The following RABGAP1L variants were observed in gnomAD, a reference collection of about 807,000 sequenced individuals.
RABGAP1L encodes the protein rab GTPase-activating protein 1-like.
Under a neutral mutation model 137.7 loss-of-function variants are expected in RABGAP1L, and 63 were observed. That is an observed-to-expected ratio of 0.46 (90% CI 0.37 to 0.56). The LOEUF is 0.56. Among genes scored for constraint, RABGAP1L ranks in the 20% least tolerant of loss-of-function variants. The pLI is 0.00. For missense variants in RABGAP1L, 1,095 were observed against 1,244.0 expected (o/e 0.88, Z 1.80); for synonymous variants, 431 against 433.7 (o/e 0.99, Z 0.08).
chr1:174,882,791 C>T (rs1374737305), intron 19 of RABGAP1L, among the ~76,000 whole-genome samples: 2 of 151,870 alleles, frequency 1.3e-5, no homozygotes, highest in Non-Finnish European at 2.9e-5. Context: ...CTGTGATAAC[C>T]TAAACAAAAG....
chr1:174,187,029 A>G (rs1326057128), intron 1 of RABGAP1L, among the ~76,000 whole-genome samples: 1 of 152,106 alleles, frequency 6.6e-6, no homozygotes, highest in Non-Finnish European at 1.5e-5. Context: ...GATAAGTTTC[A>G]CTGACTTTTC....
At chr1:174,339,968 G>A (rs1010987814) in intron 11 of RABGAP1L, among the ~76,000 whole-genome samples, 2 of 152,076 alleles carry the variant, frequency 1.3e-5, no homozygotes, top group Non-Finnish European at 2.9e-5. Flanking sequence ...TTGTGACTAT[G>A]ACTTTTTGTA....
At chr1:174,399,585 A>G (rs1648299853) in intron 13 of RABGAP1L, among the ~76,000 whole-genome samples, 1 of 151,346 alleles carries the variant, frequency 6.6e-6, no homozygotes, top group Non-Finnish European at 1.5e-5. Context: ...GAAGTATTTT[A>G]TATTTGTCTG....
At chr1:174,500,111 C>G (rs1244477909) in intron 13 of RABGAP1L, among the ~76,000 whole-genome samples, 1 of 144,506 alleles carries the variant, frequency 6.9e-6, no homozygotes, top group Non-Finnish European at 1.5e-5. Flanking sequence ...TGGAGTTTTG[C>G]TCTTGTAGCC....
In RABGAP1L at chr1:174,534,802, A is replaced by AAAAAAAAAAAAAT. The variant is rs1553324953; in HGVS notation, c.1711-102571_1711-102570insAAAAAAAAAATAA. ...AAAAAAAAAAAAAAAAAAAAAAAAA[A>AAAAAAAAAAAAAT]AATAATTAGAATAGTATGCCAGTAT... On this transcript the variant is annotated intron_variant, in intron 13 of 25. Coordinates refer to ENST00000681986, the MANE Select transcript of RABGAP1L (RefSeq NM_001366446.1). Among the ~76,000 whole-genome samples the AAAAAAAAAAAAAT allele has an allele frequency of 1.6e-4, 22 of 137,312 alleles. No homozygotes were observed. In the East Asian group the frequency reaches 1.9e-3, roughly 12 times the overall value. 90.1% of individuals were successfully genotyped at this position (137,312 alleles called of 152,430 possible). A position where few individuals can be genotyped will look rare whatever the true frequency, so the allele number is the denominator to read the frequency against.
intron 13 of RABGAP1L, among the ~76,000 whole-genome samples, chr1:174,400,494 A>G (rs1340978567): frequency 6.6e-6 from 1 of 152,118 alleles, no homozygotes; most frequent in African/African-American, 2.4e-5. Flanking sequence ...TCCTAAGAGG[A>G]GCATAAGGTC....
At chr1:174,941,777 C>CT (rs952980274) in intron 19 of RABGAP1L, among the ~76,000 whole-genome samples, 3 of 152,238 alleles carry the variant, frequency 2.0e-5, no homozygotes, top group African/African-American at 7.2e-5. Context: ...TGCTTACATG[C>CT]TATCTCTTCC....
chr1:174,680,740 A>G (rs190058923), intron 14 of RABGAP1L, among the ~76,000 whole-genome samples: 23 of 152,106 alleles, frequency 1.5e-4, no homozygotes, highest in African/African-American at 5.5e-4. Flanking sequence ...AAAAATAGAA[A>G]AAAACTTAGC....
intron 19 of RABGAP1L, among the ~76,000 whole-genome samples, chr1:174,946,900 CA>C (rs1177949233): frequency 0.19 from 3,963 of 20,592 alleles, 220 homozygotes; most frequent in East Asian, 0.37. Context: ...GACTCCATCT[CA>C]AAAAAAAAAA....
chr1:174,271,636 T>G (rs1674566508), intron 7 of RABGAP1L, among the ~76,000 whole-genome samples: 1 of 152,014 alleles, frequency 6.6e-6, no homozygotes, highest in Admixed American at 6.6e-5. Context: ...TCTCTGGACT[T>G]TACTTTGCTT....
In RABGAP1L at chr1:174,191,225, G is replaced by T. The variant is rs542768999; in HGVS notation, c.-33-27900G>T. ...TATCTCAGGAATGTGTGTGAATTTT[G>T]CATTTCATTGCATACTGTTAATAAA... is the stretch of plus-strand genomic sequence containing the variant. On this transcript the variant is annotated intron_variant, in intron 1 of 25. Coordinates refer to ENST00000681986, the MANE Select transcript of RABGAP1L (RefSeq NM_001366446.1). Among the ~76,000 whole-genome samples the T allele has an allele frequency of 1.7e-4, 26 of 152,276 alleles. No homozygotes were observed. In the South Asian group the frequency reaches 5.4e-3, roughly 32 times the overall value.
chr1:174,294,593 T>A (rs942444559), intron 10 of RABGAP1L, among the ~76,000 whole-genome samples: 6 of 152,106 alleles, frequency 3.9e-5, no homozygotes, highest in African/African-American at 1.4e-4. Flanking sequence ...GATTTTTAAT[T>A]GAGAAAGGTC....
chr1:174,351,369 A>G (rs1460161694), intron 11 of RABGAP1L, among the ~76,000 whole-genome samples: 2 of 152,240 alleles, frequency 1.3e-5, no homozygotes, highest in Middle Eastern at 3.4e-3. Context: ...GGTGTTGATA[A>G]AATCTCTCTG....
At chr1:174,325,079 AG>A (rs1320435636) in intron 11 of RABGAP1L, among the ~76,000 whole-genome samples, 1 of 152,202 alleles carries the variant, frequency 6.6e-6, no homozygotes, top group Admixed American at 6.5e-5. Context: ...AGGGTGTAAA[AG>A]ACTTGAGCTT....
chr1:174,544,940 G>A (rs1458927865), intron 13 of RABGAP1L: 5 of 178,068 alleles, frequency 2.8e-5, no homozygotes, highest in Admixed American at 2.8e-4. Flanking sequence ...AATGGCAAAT[G>A]TTGCTGCCTG....
At chr1:174,299,828 G>A (rs1677489881) in intron 10 of RABGAP1L, among the ~76,000 whole-genome samples, 1 of 152,150 alleles carries the variant, frequency 6.6e-6, no homozygotes, top group Non-Finnish European at 1.5e-5. Flanking sequence ...TTATTAAAAT[G>A]TTACAGTCTC....
intron 13 of RABGAP1L, among the ~76,000 whole-genome samples, chr1:174,437,916 A>G (rs552800021): frequency 6.6e-4 from 100 of 152,340 alleles, no homozygotes; most frequent in Admixed American, 1.7e-3. Context: ...GCCAATATTC[A>G]ACATTCTTAA....
At chr1:174,318,796 CATCTT>C (rs1679668305) in intron 11 of RABGAP1L, among the ~76,000 whole-genome samples, 1 of 151,586 alleles carries the variant, frequency 6.6e-6, no homozygotes, top group Admixed American at 6.6e-5. Context: ...TTATGAAAAA[CATCTT>C]ATAAAGGCTG....
chr1:174,657,305 A>G (rs1313474044), intron 14 of RABGAP1L, among the ~76,000 whole-genome samples: 2 of 152,154 alleles, frequency 1.3e-5, no homozygotes, highest in Admixed American at 6.6e-5. Context: ...ATTGTTAGCT[A>G]TAGTCATCCT....
Sources: allele counts gnomAD v4.1 joint callset (sites outside exome capture counted in the v4.1 genomes callset), GRCh38; gene constraint gnomAD v4.1.1; transcripts MANE v1.5; gene names NCBI Gene and HGNC (gene_info 2026-07-23, HGNC 2026-07-21).